DUSP28: variants seen among roughly 807,000 people sequenced by gnomAD.
DUSP28 encodes the protein dual specificity phosphatase 28.
In DUSP28, 11 loss-of-function variants were observed where a neutral mutation model predicts 8.4. The ratio of observed to expected loss-of-function variants is 1.31; its 90% CI spans 0.83 to 2.17. The LOEUF (loss-of-function observed/expected upper bound fraction) is 2.17. Ranked by LOEUF, DUSP28 falls within the 30% of genes most tolerant of loss-of-function variation. The pLI is 0.00. For missense variants in DUSP28, 373 were observed against 270.4 expected (o/e 1.38, Z -2.66); for synonymous variants, 178 against 130.9 (o/e 1.36, Z -2.46).
Position 240,560,992 on chromosome 2 carries a change from G to C in DUSP28, c.308G>C (p.Cys103Ser). 1.3e-6 allele frequency: 2 copies of C among 1,544,012 alleles called. No homozygotes were observed. The highest frequency in any genetic ancestry group is 1.7e-6 in the Non-Finnish European group (2 of 1,157,478). Reference protein sequence around the residue: ...VRAGGACLVYCKNGRSRSAAV... With the variant: ...VRAGGACLVYSKNGRSRSAAV... ...GCCGGCGGCGCCTGCCTAGTCTACT[G>C]CAAGAACGGCCGCAGCCGCTCGGCC... Residue 103 changes from cysteine to serine, a missense_variant, in exon 1 of 2, where the codon TGC becomes TCC. By Grantham distance (112) the Cys-to-Ser change is moderately radical. Transcript: ENST00000405954.
chr2:240,560,367 G>A lies in DUSP28; in HGVS notation c.-318G>A. 4.1e-6 allele frequency: 1 copy of A among 246,166 alleles called. No individual in the cohort carries two copies. Among genetic ancestry groups the A allele is most frequent in the South Asian group, 1.4e-4 (1 of 6,918 alleles). The allele number at this position is 246,166 out of a possible 1,614,324, so 15.2% of individuals were successfully genotyped here. A position where few individuals can be genotyped will look rare whatever the true frequency, so the allele number is the denominator to read the frequency against. On this transcript the variant is annotated 5_prime_UTR_variant, in exon 1 of 2. Coordinates refer to ENST00000405954, the MANE Select transcript of DUSP28 (RefSeq NM_001370465.2). ...CTGCGCCCAAGAGCCACAGACGCAAGCCCAGTGCCACAGGCCGCGGGGGCG... is the reference window on the plus strand; with the variant it reads ...CTGCGCCCAAGAGCCACAGACGCAAACCCAGTGCCACAGGCCGCGGGGGCG...
chr2:240,564,125 C>T lies in DUSP28; in HGVS notation c.*2658C>T, dbSNP rs1559412439. ...GTGGGTTGCAGAAATTTCTCTCAAGCATCATCACCACTTTTGCTCAGTTAT... is the reference window on the plus strand; with the variant it reads ...GTGGGTTGCAGAAATTTCTCTCAAGTATCATCACCACTTTTGCTCAGTTAT... On this transcript the variant is annotated 3_prime_UTR_variant, in exon 2 of 2. Coordinates refer to ENST00000405954, the MANE Select transcript of DUSP28 (RefSeq NM_001370465.2). 6.6e-6 allele frequency: 1 copy of T among 152,438 alleles called. No homozygotes were observed. Among genetic ancestry groups the T allele is most frequent in the East Asian group, 1.9e-4 (1 of 5,276 alleles). The allele number at this position is 152,438 out of a possible 1,614,324, so 9.4% of individuals were successfully genotyped here.
rs2092986609 is a variant in DUSP28 at position 240,562,712 on chromosome 2, C to T, written c.*1245C>T. 1.3e-5 allele frequency: 2 copies of T among 152,160 alleles called. No homozygotes were observed. Among genetic ancestry groups the T allele is most frequent in the Admixed American group, 6.6e-5 (1 of 15,264 alleles). 9.4% of individuals were successfully genotyped at this position (152,160 alleles called of 1,614,324 possible). On this transcript the variant is annotated 3_prime_UTR_variant, in exon 2 of 2. Transcript: ENST00000405954. ...GGAAGGTGTTGCACCATAAATGACACCTGCAGTGGTACTTGTTAAATGTCT... is the reference window on the plus strand; with the variant it reads ...GGAAGGTGTTGCACCATAAATGACATCTGCAGTGGTACTTGTTAAATGTCT...
Position 240,561,043 on chromosome 2 carries a change from G to C in DUSP28, c.359G>C (p.Arg120Pro), listed in dbSNP as rs537091038. 3.0e-5 allele frequency: 45 copies of C among 1,516,994 alleles called. No homozygotes were observed. The highest frequency in any genetic ancestry group is 4.7e-4 in the Middle Eastern group (2 of 4,240). The allele number at this position is 1,516,994 out of a possible 1,614,324, so 94.0% of individuals were successfully genotyped here. Residue 120 changes from arginine to proline, a missense_variant, in exon 1 of 2, where the codon CGG becomes CCG. Coordinates refer to ENST00000405954, the MANE Select transcript of DUSP28 (RefSeq NM_001370465.2). ...GCCGTCTGCACCGCGTACCTCATGC[G>C]GCACCGCGGCCTCAGCCTGGCGAAG... ...SAAVCTAYLM[R>P]HRGLSLAKAF...
Position 240,563,037 on chromosome 2 carries a change from G to A in DUSP28, c.*1570G>A, listed in dbSNP as rs766775654. 6.6e-6 allele frequency: 1 copy of A among 152,456 alleles called. No individual in the cohort carries two copies. Among genetic ancestry groups the A allele is most frequent in the Non-Finnish European group, 1.5e-5 (1 of 68,026 alleles). 9.4% of individuals were successfully genotyped at this position (152,456 alleles called of 1,614,324 possible). A position where few individuals can be genotyped will look rare whatever the true frequency, so the allele number is the denominator to read the frequency against. On this transcript the variant is annotated 3_prime_UTR_variant, in exon 2 of 2. Coordinates refer to ENST00000405954, the MANE Select transcript of DUSP28 (RefSeq NM_001370465.2). The stretch of plus-strand genomic sequence containing the variant: ...CACCATACTTTTTATTCCATAGCAC[G>A]GCTCCCACGCAGCTCACTACAGACA...
chr2:240,561,307 T>C (rs780123896), intron 1 of DUSP28, 23 bp from the exon 2 acceptor site: 13 of 1,613,610 alleles, frequency 8.1e-6, no homozygotes, highest in Non-Finnish European at 1.7e-6. Context: ...CTTGGGGTTA[T>C]TCAGTACACT....
rs560123877 is a variant in DUSP28 at position 240,561,767 on chromosome 2, G to T, written c.*300G>T. On this transcript the variant is annotated 3_prime_UTR_variant, in exon 2 of 2. Transcript: ENST00000405954. ...TGCCGGCGCATTCTACCAGTCTCAG[G>T]GAAGGACATGAGTACAGACTACAGT... 6 of 357,862 alleles carry T rather than the reference G, an allele frequency of 1.7e-5. No individual in the cohort carries two copies. In the East Asian group the frequency reaches 3.7e-4, roughly 22 times the overall value. The allele number at this position is 357,862 out of a possible 1,614,324, so 22.2% of individuals were successfully genotyped here.
At position 240,562,830 on chromosome 2, in the gene DUSP28, T is replaced by A. The variant is rs568082932; in HGVS notation, c.*1363T>A. 8 of 153,200 alleles carry A rather than the reference T, an allele frequency of 5.2e-5. No homozygotes were observed. Among genetic ancestry groups the A allele is most frequent in the African/African-American group, 1.9e-4 (8 of 41,610 alleles). 9.5% of individuals were successfully genotyped at this position (153,200 alleles called of 1,614,324 possible). A position where few individuals can be genotyped will look rare whatever the true frequency, so the allele number is the denominator to read the frequency against. ...GAGATTGAATGTGCTGGCCATGGTG[T>A]GGACACTATTTACTTTATAATGCAC... On this transcript the variant is annotated 3_prime_UTR_variant, in exon 2 of 2. Transcript: ENST00000405954.
Position 240,564,415 on chromosome 2 carries a change from C to A in DUSP28, c.*2948C>A, listed in dbSNP as rs1339406062. 6.6e-6 allele frequency among the ~76,000 whole-genome samples: 1 copy of A among 152,246 alleles called. No homozygotes were observed. The highest frequency in any genetic ancestry group is 2.1e-4 in the South Asian group (1 of 4,834). On this transcript the variant is annotated 3_prime_UTR_variant, in exon 2 of 2. Transcript: ENST00000405954. ...AGCCCCATCTTCCGGAAATGCAGCTCCAGAGGGTCTCTGTCCCCTCTTGCT... is the reference window on the plus strand; with the variant it reads ...AGCCCCATCTTCCGGAAATGCAGCTACAGAGGGTCTCTGTCCCCTCTTGCT...
At position 240,561,603 on chromosome 2, in the gene DUSP28, T is replaced by C; in HGVS notation, c.*136T>C. 2 of 1,176,330 alleles carry C rather than the reference T, an allele frequency of 1.7e-6. No homozygotes were observed. The highest frequency in any genetic ancestry group is 2.3e-6 in the Non-Finnish European group (2 of 888,384). The allele number at this position is 1,176,330 out of a possible 1,614,324, so 72.9% of individuals were successfully genotyped here. A position where few individuals can be genotyped will look rare whatever the true frequency, so the allele number is the denominator to read the frequency against. ...GTGAAACATAGTGCTTTTAATTTTA[T>C]ATTTCCGGCTGAGGTGATGCACAAA... On this transcript the variant is annotated 3_prime_UTR_variant, in exon 2 of 2. Coordinates refer to ENST00000405954, the MANE Select transcript of DUSP28 (RefSeq NM_001370465.2).
At position 240,564,887 on chromosome 2, in the gene DUSP28, C is replaced by T. The variant is rs2092997377; in HGVS notation, c.*3420C>T. On this transcript the variant is annotated 3_prime_UTR_variant, in exon 2 of 2. Transcript: ENST00000405954. Reference sequence around the variant, plus strand: ...GTGAGGGAACCCGGGAGGCCTCCAGCATCTGCACCCCTCTCCTACTTTGAT... The same window carrying T: ...GTGAGGGAACCCGGGAGGCCTCCAGTATCTGCACCCCTCTCCTACTTTGAT... 1.3e-5 allele frequency among the ~76,000 whole-genome samples: 2 copies of T among 152,232 alleles called. No individual in the cohort carries two copies. Among genetic ancestry groups the T allele is most frequent in the Non-Finnish European group, 2.9e-5 (2 of 68,040 alleles).
At position 240,561,504 on chromosome 2, in the gene DUSP28, T is replaced by A. The variant is rs745355662; in HGVS notation, c.*37T>A. Reference sequence around the variant, plus strand: ...CTGCTGCCTGGAGGAAGGATGTCCCTGCACTGATACAGAAGGCTGGTCTTT... The same window carrying A: ...CTGCTGCCTGGAGGAAGGATGTCCCAGCACTGATACAGAAGGCTGGTCTTT... On this transcript the variant is annotated 3_prime_UTR_variant, in exon 2 of 2. Transcript: ENST00000405954. 1.9e-6 allele frequency: 3 copies of A among 1,588,114 alleles called. No individual in the cohort carries two copies. The Admixed American group carries it at 5.4e-5, about 28-fold the overall frequency.
rs1382001108 is a variant in DUSP28 at position 240,564,474 on chromosome 2, GAC to G, written c.*3008_*3009del. 2.0e-5 allele frequency among the ~76,000 whole-genome samples: 3 copies of G among 152,212 alleles called. No homozygotes were observed. Among genetic ancestry groups the G allele is most frequent in the Admixed American group, 6.5e-5 (1 of 15,284 alleles). The stretch of plus-strand genomic sequence containing the variant: ...AAGGGTCTGCGCATCAGACCACATG[GAC>G]CCCTGCACCACCATCTGCTCCGTCC... On this transcript the variant is annotated 3_prime_UTR_variant, in exon 2 of 2. Coordinates refer to ENST00000405954, the MANE Select transcript of DUSP28 (RefSeq NM_001370465.2).
chr2:240,561,210 T>C, intron 1 of DUSP28, 120 bp from the exon 2 acceptor site: 1 of 1,557,118 alleles, frequency 6.4e-7, no homozygotes, highest in Non-Finnish European at 8.6e-7. Flanking sequence ...GAGGGCGGGC[T>C]TAGGGAAGCA....
rs1463902134 is a variant in DUSP28 at position 240,563,277 on chromosome 2, C to G, written c.*1810C>G. 6.6e-6 allele frequency: 1 copy of G among 152,176 alleles called. No individual in the cohort carries two copies. Among genetic ancestry groups the G allele is most frequent in the Non-Finnish European group, 1.5e-5 (1 of 68,050 alleles). 9.4% of individuals were successfully genotyped at this position (152,176 alleles called of 1,614,324 possible). ...CTGGAGTGGGCGCCATCTTGGCTCA[C>G]TGCAAGCTCCGCCTCCCGGCTTCAT... On this transcript the variant is annotated 3_prime_UTR_variant, in exon 2 of 2. Coordinates refer to ENST00000405954, the MANE Select transcript of DUSP28 (RefSeq NM_001370465.2).
chr2:240,561,164 G>A, intron 1 of DUSP28, 87 bp downstream of exon 1: 4 of 1,485,758 alleles, frequency 2.7e-6, no homozygotes, highest in Non-Finnish European at 3.6e-6. Context: ...TTCGGGATTG[G>A]GACAGGCACT....
chr2:240,563,840 TTGTCA>T lies in DUSP28; in HGVS notation c.*2375_*2379del, dbSNP rs1487409145. ...TCCACTTAAACGTGTCCCATGAATC[TTGTCA>T]TAACAGTTTTGTGTTCCTTAACTAT... On this transcript the variant is annotated 3_prime_UTR_variant, in exon 2 of 2. Transcript: ENST00000405954. 6.6e-6 allele frequency: 1 copy of T among 152,412 alleles called. No individual in the cohort carries two copies. Among genetic ancestry groups the T allele is most frequent in the Non-Finnish European group, 1.5e-5 (1 of 68,050 alleles). The allele number at this position is 152,412 out of a possible 1,614,324, so 9.4% of individuals were successfully genotyped here. A position where few individuals can be genotyped will look rare whatever the true frequency, so the allele number is the denominator to read the frequency against.
In DUSP28 at chr2:240,561,637, C is replaced by A; in HGVS notation, c.*170C>A. ...CTGAGGTGATGCACAAATTATCTTACAGACACAAAAAGAAATACATTTGGT... is the reference window on the plus strand; with the variant it reads ...CTGAGGTGATGCACAAATTATCTTAAAGACACAAAAAGAAATACATTTGGT... On this transcript the variant is annotated 3_prime_UTR_variant, in exon 2 of 2. Coordinates refer to ENST00000405954, the MANE Select transcript of DUSP28 (RefSeq NM_001370465.2). The A allele has an allele frequency of 1.1e-6, 1 of 907,254 alleles. No individual in the cohort carries two copies. 56.2% of individuals were successfully genotyped at this position (907,254 alleles called of 1,614,324 possible).
chr2:240,561,202 G>T (rs1293494115), intron 1 of DUSP28, 125 bp downstream of exon 1: 1 of 1,532,188 alleles, frequency 6.5e-7, no homozygotes. Flanking sequence ...TCTCTCGTGA[G>T]GGCGGGCTTA....
Sources: gnomAD v4.1 joint callset for allele counts (sites outside exome capture counted in the v4.1 genomes callset) on GRCh38, gnomAD v4.1.1 for gene constraint, MANE v1.5 for transcripts, NCBI Gene and HGNC (gene_info 2026-07-23, HGNC 2026-07-21) for gene names.